ZNF506: variants seen among roughly 807,000 people sequenced by gnomAD.
ZNF506 encodes the protein zinc finger protein 506.
In ZNF506, 10 loss-of-function variants were observed where a neutral mutation model predicts 11.6. That is an observed-to-expected ratio of 0.86 (90% confidence interval 0.53 to 1.46). The LOEUF is 1.46. Among genes scored for constraint, ZNF506 ranks in the 40% most tolerant of loss-of-function variants. The pLI is 0.00. For missense variants in ZNF506, 425 were observed against 521.2 expected (o/e 0.82, Z 1.80); for synonymous variants, 156 against 173.3 (o/e 0.90, Z 0.78).
At chr19:19,805,271 C>T (rs563890270) in intron 3 of ZNF506, among the ~76,000 whole-genome samples, 21 of 150,968 alleles carry the variant, frequency 1.4e-4, no homozygotes, top group Non-Finnish European at 2.5e-4. Flanking sequence ...AAAAATTAAC[C>T]AAGGAGGTAA....
chr19:19,807,111 G>A (rs1237902574), intron 1 of ZNF506, 43 bp from the exon 2 acceptor site: 2 of 1,609,152 alleles, frequency 1.2e-6, no homozygotes, highest in Admixed American at 3.4e-5. Flanking sequence ...GTGGCCATGG[G>A]TGGAATTTTT....
At chr19:19,806,914 AT>A in intron 2 of ZNF506, 27 bp downstream of exon 2, 4 of 1,602,868 alleles carry the variant, frequency 2.5e-6, no homozygotes, top group Non-Finnish European at 3.4e-6. Context: ...GAGTAATATT[AT>A]GAATTATGTA....
At chr19:19,812,699 T>C (rs1417353128) in intron 1 of ZNF506, among the ~76,000 whole-genome samples, 18 of 152,212 alleles carry the variant, frequency 1.2e-4, no homozygotes, top group Non-Finnish European at 2.5e-4. Context: ...CTGCAGATTC[T>C]AGGTAGGATC....
At chr19:19,813,964 G>A (rs1213071049) in intron 1 of ZNF506, among the ~76,000 whole-genome samples, 1 of 151,950 alleles carries the variant, frequency 6.6e-6, no homozygotes, top group East Asian at 1.9e-4. Context: ...GGCAATAAGT[G>A]AGACCCTGTC....
At chr19:19,811,821 A>C (rs779330942) in intron 1 of ZNF506, among the ~76,000 whole-genome samples, 9 of 152,130 alleles carry the variant, frequency 5.9e-5, no homozygotes, top group Non-Finnish European at 1.2e-4. Flanking sequence ...TCTTCTCTTC[A>C]TAAATATGCC....
intron 2 of ZNF506, among the ~76,000 whole-genome samples, chr19:19,806,667 TG>T (rs957435096): frequency 1.6e-4 from 24 of 151,458 alleles, no homozygotes; most frequent in African/African-American, 5.3e-4. Flanking sequence ...GATTTTCAGG[TG>T]GGGGCAACAA....
At chr19:19,808,785 C>T (rs2062859413) in intron 1 of ZNF506, among the ~76,000 whole-genome samples, 1 of 142,386 alleles carries the variant, frequency 7.0e-6, no homozygotes. Flanking sequence ...GAAGTTTGCA[C>T]TGAGCCAAGA....
At chr19:19,819,969 C>G (rs529938971) in intron 1 of ZNF506, among the ~76,000 whole-genome samples, 2 of 152,006 alleles carry the variant, frequency 1.3e-5, no homozygotes, top group Non-Finnish European at 2.9e-5. Context: ...TGGTGGCACG[C>G]GCCTGTACTC....
intron 1 of ZNF506, among the ~76,000 whole-genome samples, chr19:19,810,417 T>A (rs954198470): frequency 7.2e-5 from 11 of 152,258 alleles, no homozygotes; most frequent in African/African-American, 1.9e-4. Context: ...AGGTACTATG[T>A]GCTCAAGAGT....
rs558532478 is a variant in ZNF506 at position 19,818,000 on chromosome 19, G to A, written c.3+3601C>T. Among the ~76,000 whole-genome samples, 201 of 150,922 alleles carry A rather than the reference G, an allele frequency of 1.3e-3. 3 individuals are homozygous for A. Among genetic ancestry groups the A allele is most frequent in the African/African-American group, 4.5e-3 (186 of 41,060 alleles). ...GTGCCACCACACCTGGCTAATTTTT[G>A]TATTTTTAGCAGAGACAGGGTTTCA... On this transcript the variant is annotated intron_variant, in intron 1 of 3. Coordinates refer to ENST00000540806, the MANE Select transcript of ZNF506 (RefSeq NM_001099269.3).
intron 2 of ZNF506, 118 bp from the exon 3 acceptor site, chr19:19,806,244 A>T: frequency 1.4e-6 from 1 of 703,546 alleles, no homozygotes; most frequent in Non-Finnish European, 2.0e-6. Flanking sequence ...CTAAAATACT[A>T]AGTTATAACA....
intron 3 of ZNF506, chr19:19,799,584 T>A (rs977221525): frequency 2.1e-6 from 1 of 487,402 alleles, no homozygotes; most frequent in Non-Finnish European, 3.6e-6. Context: ...TATATAGAAA[T>A]GATACAATAC....
rs1359051898 is a variant in ZNF506, at chr19:19,820,922, CAG to C, written c.3+677_3+678del. On this transcript the variant is annotated intron_variant, in intron 1 of 3. Transcript: ENST00000540806. The stretch of plus-strand genomic sequence containing the variant: ...CCTCCCCGTTTGTGTTTTTTTAAGG[CAG>C]AGTCTTGCTCTGTCGCCCAGGCTGG... Among the ~76,000 whole-genome samples, 7 of 151,724 alleles carry C rather than the reference CAG, an allele frequency of 4.6e-5. No homozygotes were observed. In the South Asian group the frequency reaches 1.3e-3, roughly 27 times the overall value.
chr19:19,798,570 G>A (rs942672990), intron 3 of ZNF506: 14 of 148,610 alleles, frequency 9.4e-5, no homozygotes, highest in African/African-American at 3.0e-4. Flanking sequence ...CAGAAGAATG[G>A]TGTGAACCCG....
intron 3 of ZNF506, among the ~76,000 whole-genome samples, chr19:19,804,941 G>A (rs906672164): frequency 6.6e-6 from 1 of 152,028 alleles, no homozygotes; most frequent in African/African-American, 2.4e-5. Context: ...CATGGGGTGG[G>A]GGGATGGGGG....
At position 19,817,092 on chromosome 19, in the gene ZNF506, C is replaced by T. The variant is rs774483066; in HGVS notation, c.3+4509G>A. Among the ~76,000 whole-genome samples, 159 of 148,902 alleles carry T rather than the reference C, an allele frequency of 1.1e-3. 1 individual carries two copies. Among genetic ancestry groups the T allele is most frequent in the Middle Eastern group, 6.3e-3 (2 of 316 alleles). ...CTGGGATTACATGTGTGAGCCACCA[C>T]GCCCAGCCAAATAAAATATTTCTTA... On this transcript the variant is annotated intron_variant, in intron 1 of 3. Transcript: ENST00000540806.
chr19:19,816,559 C>T (rs1276871500), intron 1 of ZNF506, among the ~76,000 whole-genome samples: 1 of 152,092 alleles, frequency 6.6e-6, no homozygotes. Context: ...AGGGTTTCAC[C>T]CTGTTAGCCA....
intron 1 of ZNF506, chr19:19,820,649 G>C (rs2062961449): frequency 1.3e-5 from 2 of 152,216 alleles, no homozygotes; most frequent in Admixed American, 6.5e-5. Context: ...AGCGGAGATC[G>C]CGAGACTGCA....
rs374330584 is a variant in ZNF506, at chr19:19,821,283, A to C, written c.3+318T>G. Among the ~76,000 whole-genome samples, 175 of 152,320 alleles carry C rather than the reference A, an allele frequency of 1.1e-3. 1 individual carries two copies. Among genetic ancestry groups the C allele is most frequent in the African/African-American group, 4.1e-3 (171 of 41,578 alleles). On this transcript the variant is annotated intron_variant, in intron 1 of 3. Transcript: ENST00000540806. ...CATTCATGAACCCGCACCCCGAGTC[A>C]GGATTCTCCCCTGACGACCTTCCCG...
Sources: gnomAD v4.1 joint callset for allele counts (sites outside exome capture counted in the v4.1 genomes callset) on GRCh38, gnomAD v4.1.1 for gene constraint, MANE v1.5 for transcripts, NCBI Gene and HGNC (gene_info 2026-07-23, HGNC 2026-07-21) for gene names.